Variants in IGF1R observed in about 807,000 individuals in gnomAD.
IGF1R encodes insulin like growth factor 1 receptor, also known as insulin-like growth factor 1 receptor.
A neutral mutation model predicts 144.6 loss-of-function variants in IGF1R; 44 were observed. The observed-to-expected ratio is 0.30, with a 90% CI of 0.24 to 0.39. The LOEUF (loss-of-function observed/expected upper bound fraction) is 0.39, where lower values mean the gene tolerates loss of function less well. Ranked by LOEUF, IGF1R falls within the 10% of genes least tolerant of loss-of-function variation. IGF1R has a pLI of 1.00. For missense variants in IGF1R, 1,355 were observed against 1,833.7 expected (o/e 0.74, Z 4.77); for synonymous variants, 795 against 722.8 (o/e 1.10, Z -1.60).
chr15:98,748,833 C>T (rs185863475), intron 2 of IGF1R, among the ~76,000 whole-genome samples: 30 of 152,306 alleles, frequency 2.0e-4, no homozygotes, highest in African/African-American at 6.5e-4. Flanking sequence ...TCTTGCTCTA[C>T]CCTTAGGACT....
At chr15:98,668,361 C>G (rs1406254813) in intron 1 of IGF1R, among the ~76,000 whole-genome samples, 1 of 152,182 alleles carries the variant, frequency 6.6e-6, no homozygotes, top group African/African-American at 2.4e-5. Context: ...GTGAAGGGAT[C>G]TCCAGACCAG....
chr15:98,907,163 A>G (rs914508544), intron 5 of IGF1R, among the ~76,000 whole-genome samples: 2 of 152,218 alleles, frequency 1.3e-5, no homozygotes, highest in Admixed American at 6.5e-5. Context: ...CCTGGGTCCC[A>G]GTCTCTGAAC....
chr15:98,880,554 A>G (rs2013319807), intron 2 of IGF1R: 2 of 152,268 alleles, frequency 1.3e-5, no homozygotes, highest in South Asian at 2.1e-4. Flanking sequence ...GTGAGAATCT[A>G]CTTGGAACTT....
At chr15:98,859,101 C>T (rs991976561) in intron 2 of IGF1R, among the ~76,000 whole-genome samples, 1 of 150,974 alleles carries the variant, frequency 6.6e-6, no homozygotes, top group Admixed American at 6.6e-5. Context: ...AAAGTCCAAA[C>T]TTTTTTTGGA....
intron 1 of IGF1R, among the ~76,000 whole-genome samples, chr15:98,664,959 ATTTTTT>A (rs376830930): frequency 1.5e-5 from 2 of 130,182 alleles, no homozygotes; most frequent in Non-Finnish European, 3.3e-5. Context: ...AACCAGCTTC[ATTTTTT>A]TTTTTTTTTT....
intron 8 of IGF1R, among the ~76,000 whole-genome samples, chr15:98,915,680 T>C (rs558443347): frequency 4.0e-4 from 61 of 152,358 alleles, no homozygotes; most frequent in African/African-American, 1.4e-3. Flanking sequence ...TCACATTGTC[T>C]CTTCTAACCC....
chr15:98,913,358 T>C (rs1420380756), intron 8 of IGF1R, 76 bp downstream of exon 8: 31 of 1,144,976 alleles, frequency 2.7e-5, no homozygotes, highest in Non-Finnish European at 4.0e-5. Flanking sequence ...CCAGGTGTCA[T>C]TGTAGGGTTA....
intron 2 of IGF1R, among the ~76,000 whole-genome samples, chr15:98,829,946 G>GGGCA (rs1482102679): frequency 6.6e-6 from 1 of 152,070 alleles, no homozygotes; most frequent in East Asian, 1.9e-4. Flanking sequence ...TGAATTTAGG[G>GGGCA]GGCAGTTCCA....
intron 2 of IGF1R, among the ~76,000 whole-genome samples, chr15:98,812,321 A>G (rs2056608600): frequency 6.7e-6 from 1 of 148,216 alleles, no homozygotes; most frequent in Non-Finnish European, 1.5e-5. Flanking sequence ...CTGTGTCACC[A>G]TTGTATTATT....
At chr15:98,905,105 T>A (rs570794101) in intron 5 of IGF1R, among the ~76,000 whole-genome samples, 2 of 152,312 alleles carry the variant, frequency 1.3e-5, no homozygotes, top group South Asian at 4.2e-4. Flanking sequence ...GGCTCAGACC[T>A]GACCTTTGGA....
rs2017342105 is a variant in IGF1R at position 98,964,303 on chromosome 15, G to T, written c.*6861G>T. The T allele has an allele frequency of 1.7e-5, 4 of 231,592 alleles. No homozygotes were observed. The Admixed American group carries it at 2.3e-4, about 13-fold the overall frequency. 14.3% of individuals were successfully genotyped at this position (231,592 alleles called of 1,614,324 possible). On this transcript the variant is annotated 3_prime_UTR_variant, in exon 21 of 21. Transcript: ENST00000650285. Reference sequence around the variant, plus strand: ...GTATAAATTATTCCTAAAAAATCCTGTTTATATAAAAAATCAGTAGATGAA... The same window carrying T: ...GTATAAATTATTCCTAAAAAATCCTTTTTATATAAAAAATCAGTAGATGAA...
At chr15:98,890,964 G>A (rs998551578) in intron 2 of IGF1R, among the ~76,000 whole-genome samples, 5 of 152,232 alleles carry the variant, frequency 3.3e-5, no homozygotes, top group Non-Finnish European at 7.3e-5. Flanking sequence ...TAGAGTTCCT[G>A]TAGGGCTTCC....
At chr15:98,790,097 G>GTGATT (rs2056094370) in intron 2 of IGF1R, among the ~76,000 whole-genome samples, 1 of 152,186 alleles carries the variant, frequency 6.6e-6, no homozygotes, top group Non-Finnish European at 1.5e-5. Flanking sequence ...TTGGAAAGAG[G>GTGATT]CCGGGACAGG....
At chr15:98,895,736 A>C (rs2014162243) in intron 3 of IGF1R, among the ~76,000 whole-genome samples, 1 of 152,258 alleles carries the variant, frequency 6.6e-6, no homozygotes, top group Admixed American at 6.5e-5. Flanking sequence ...GGGAAGGGAC[A>C]TTAATAAAAA....
chr15:98,864,368 T>A (rs2012316246), intron 2 of IGF1R, among the ~76,000 whole-genome samples: 1 of 152,200 alleles, frequency 6.6e-6, no homozygotes, highest in Non-Finnish European at 1.5e-5. Flanking sequence ...TATTCAGAAT[T>A]TTCCATCACT....
chr15:98,669,247 C>T (rs561141361), intron 1 of IGF1R, among the ~76,000 whole-genome samples: 16 of 152,284 alleles, frequency 1.1e-4, no homozygotes, highest in South Asian at 1.0e-3. Flanking sequence ...CTGAAACCTG[C>T]GCAAGGGTGT....
intron 1 of IGF1R, among the ~76,000 whole-genome samples, chr15:98,667,345 T>A (rs558791206): frequency 6.6e-6 from 1 of 151,712 alleles, no homozygotes; most frequent in East Asian, 1.9e-4. Context: ...ACAGCTCAAT[T>A]TTTTTTTTAT....
At chr15:98,761,646 G>T (rs1427674094) in intron 2 of IGF1R, among the ~76,000 whole-genome samples, 1 of 152,220 alleles carries the variant, frequency 6.6e-6, no homozygotes, top group Non-Finnish European at 1.5e-5. Context: ...TTCCACTGAG[G>T]TTTGAGGCAG....
At chr15:98,828,542 A>G (rs183734337) in intron 2 of IGF1R, among the ~76,000 whole-genome samples, 2 of 152,254 alleles carry the variant, frequency 1.3e-5, no homozygotes, top group Non-Finnish European at 2.9e-5. Flanking sequence ...GAGAAAAGGC[A>G]TAGTCAGAAT....
Sources: gnomAD v4.1 joint callset for allele counts (sites outside exome capture counted in the v4.1 genomes callset) on GRCh38, gnomAD v4.1.1 for gene constraint, MANE v1.5 for transcripts, NCBI Gene and HGNC (gene_info 2026-07-23, HGNC 2026-07-21) for gene names.